GPA33: variants seen among roughly 807,000 people sequenced by gnomAD.
The protein encoded by GPA33 is glycoprotein A33, also known as cell surface A33 antigen.
In GPA33, 27 loss-of-function variants were observed where a neutral mutation model predicts 35.6. The observed-to-expected ratio is 0.76, with a 90% CI of 0.56 to 1.04. GPA33 has a LOEUF of 1.04. Ranked by LOEUF, GPA33 falls within the 50% of genes least tolerant of loss-of-function variation. GPA33 has a pLI of 0.00. For synonymous variants in GPA33, 176 were observed against 164.0 expected, an observed-to-expected ratio of 1.07 and a Z score of -0.56; for missense variants, 428 against 411.9, an observed-to-expected ratio of 1.04 and a Z score of -0.34.
intron 4 of GPA33, among the ~76,000 whole-genome samples, chr1:167,060,008 A>T (rs1017335899): frequency 5.9e-5 from 9 of 152,230 alleles, no homozygotes; most frequent in African/African-American, 2.2e-4. Flanking sequence ...AATGTTTTAA[A>T]AGCCAGAAAT....
At chr1:167,088,398 C>T (rs1420272140) in intron 1 of GPA33, among the ~76,000 whole-genome samples, 2 of 152,288 alleles carry the variant, frequency 1.3e-5, no homozygotes, top group South Asian at 2.1e-4. Flanking sequence ...TACCTCAAGT[C>T]GACCACCAAG....
chr1:167,088,264 T>C (rs1667092465), intron 1 of GPA33, among the ~76,000 whole-genome samples: 1 of 152,050 alleles, frequency 6.6e-6, no homozygotes, highest in Non-Finnish European at 1.5e-5. Flanking sequence ...AAGGAAGAGG[T>C]GGTATCCTCT....
intron 1 of GPA33, 53 bp from the exon 2 acceptor site, chr1:167,073,592 AC>A: frequency 1.4e-6 from 2 of 1,477,844 alleles, no homozygotes; most frequent in Non-Finnish European, 1.9e-6. Context: ...GGACAGACAT[AC>A]CCACTCACTG....
intron 4 of GPA33, among the ~76,000 whole-genome samples, chr1:167,056,597 AT>A (rs1666266109): frequency 1.4e-3 from 2 of 1,444 alleles, no homozygotes; most frequent in African/African-American, 2.0e-3. Context: ...GTATGTGTGT[AT>A]GTGGTGTGTG....
chr1:167,071,537 C>T (rs2102189564), intron 2 of GPA33, among the ~76,000 whole-genome samples: 1 of 152,306 alleles, frequency 6.6e-6, no homozygotes, highest in South Asian at 2.1e-4. Flanking sequence ...TCTACCCAAC[C>T]ACAGGCAACA....
chr1:167,079,484 C>CAAAAAAAAA (rs59745946), intron 1 of GPA33, among the ~76,000 whole-genome samples: 7 of 75,602 alleles, frequency 9.3e-5, no homozygotes, highest in Non-Finnish European at 1.3e-4. Flanking sequence ...ACTCCGTCTC[C>CAAAAAAAAA]AAAAAAAAAA....
intron 4 of GPA33, among the ~76,000 whole-genome samples, chr1:167,057,794 CT>C (rs1666340954): frequency 6.6e-6 from 1 of 152,172 alleles, no homozygotes; most frequent in Non-Finnish European, 1.5e-5. Flanking sequence ...TAACTGGAGG[CT>C]TAAAGAAGTT....
At chr1:167,088,332 C>T (rs932358967) in intron 1 of GPA33, among the ~76,000 whole-genome samples, 1 of 152,200 alleles carries the variant, frequency 6.6e-6, no homozygotes, top group Non-Finnish European at 1.5e-5. Flanking sequence ...TGAAGGTCTT[C>T]CTTGCTCACC....
chr1:167,055,915 G>A, intron 4 of GPA33, 66 bp from the exon 5 acceptor site: 1 of 1,573,700 alleles, frequency 6.4e-7, no homozygotes, highest in Non-Finnish European at 8.7e-7. Flanking sequence ...CCAGGAATGG[G>A]AGGTCTGGAC....
chr1:167,071,269 G>GA (rs1485614184), intron 2 of GPA33, among the ~76,000 whole-genome samples: 1 of 152,242 alleles, frequency 6.6e-6, no homozygotes, highest in Non-Finnish European at 1.5e-5. Flanking sequence ...CTGCTGGTGT[G>GA]AAATGCTAAT....
At chr1:167,079,276 T>C (rs994464557) in intron 1 of GPA33, among the ~76,000 whole-genome samples, 14 of 152,044 alleles carry the variant, frequency 9.2e-5, no homozygotes, top group Non-Finnish European at 1.9e-4. Context: ...GCGGATTGCC[T>C]GAGCTCAGGA....
intron 1 of GPA33, among the ~76,000 whole-genome samples, chr1:167,089,727 G>A (rs986207037): frequency 2.0e-5 from 3 of 152,058 alleles, no homozygotes; most frequent in African/African-American, 7.2e-5. Flanking sequence ...AAGGAGCTTT[G>A]GCCTTTGGAA....
chr1:167,055,968 G>A (rs774193086), intron 4 of GPA33, 119 bp from the exon 5 acceptor site: 41 of 963,664 alleles, frequency 4.3e-5, no homozygotes, highest in East Asian at 2.1e-4. Context: ...TCTTCAGGCC[G>A]GAGCCCCATG....
intron 2 of GPA33, among the ~76,000 whole-genome samples, chr1:167,070,319 A>G (rs1571312707): frequency 6.6e-6 from 1 of 152,288 alleles, no homozygotes; most frequent in Non-Finnish European, 1.5e-5. Flanking sequence ...CATAGCTGCT[A>G]TTTATTGAGT....
chr1:167,081,747 G>A (rs1666954358), intron 1 of GPA33, among the ~76,000 whole-genome samples: 1 of 152,182 alleles, frequency 6.6e-6, no homozygotes, highest in South Asian at 2.1e-4. Context: ...TTCTCGTGTT[G>A]ATATGGGCTG....
At chr1:167,067,228 G>T (rs890383056) in intron 3 of GPA33, among the ~76,000 whole-genome samples, 1 of 151,918 alleles carries the variant, frequency 6.6e-6, no homozygotes, top group Non-Finnish European at 1.5e-5. Flanking sequence ...GCTCGATCAC[G>T]GCTCATTGCA....
At chr1:167,062,171 ATTTATTTTATTTTATTTTAC>A (rs1346925615) in intron 4 of GPA33, among the ~76,000 whole-genome samples, 324 of 151,400 alleles carry the variant, frequency 2.1e-3, no homozygotes, top group Middle Eastern at 3.4e-3. Flanking sequence ...AAAATATTTT[ATTTATTTTATTTTATTTTAC>A]TTTATTTTAT....
chr1:167,081,096 T>C (rs775371126), intron 1 of GPA33, among the ~76,000 whole-genome samples: 8 of 152,314 alleles, frequency 5.3e-5, no homozygotes, highest in Admixed American at 1.3e-4. Flanking sequence ...GAGGTCTCGA[T>C]GATTGCTTGT....
chr1:167,082,151 AAC>A lies in GPA33; in HGVS notation c.43+8092_43+8093del, dbSNP rs939207888. On this transcript the variant is annotated intron_variant, in intron 1 of 6. Coordinates refer to ENST00000367868, the MANE Select transcript of GPA33 (RefSeq NM_005814.3). ...AAGCAGGATGCAAAACTGTGCATAC[AAC>A]AGTGTCCCAGTCCTACACAATCACA... is the stretch of plus-strand genomic sequence containing the variant. 5 of 428,660 alleles carry A rather than the reference AAC, an allele frequency of 1.2e-5. No homozygotes were observed. The Admixed American group carries it at 1.3e-4, about 11-fold the overall frequency. The allele number at this position is 428,660 out of a possible 1,614,324, so 26.6% of individuals were successfully genotyped here.
Sources: gnomAD v4.1 joint callset for allele counts (sites outside exome capture counted in the v4.1 genomes callset) on GRCh38, gnomAD v4.1.1 for gene constraint, MANE v1.5 for transcripts, NCBI Gene and HGNC (gene_info 2026-07-23, HGNC 2026-07-21) for gene names.